Variants in LPIN3 observed in about 807,000 individuals in gnomAD.
LPIN3 encodes the protein lipin 3.
Under a neutral mutation model 94.7 loss-of-function variants are expected in LPIN3, and 82 were observed. The ratio of observed to expected loss-of-function variants is 0.87; its 90% CI spans 0.72 to 1.04. The LOEUF is 1.04. Ranked by LOEUF, LPIN3 falls within the 50% of genes least tolerant of loss-of-function variation. The probability of loss-of-function intolerance (pLI) is 0.00; values close to 1 mark genes in which losing one functional copy is unlikely to be tolerated. For missense variants in LPIN3, 996 were observed against 1,090.5 expected, an observed-to-expected ratio of 0.91 and a Z score of 1.22; for synonymous variants, 418 against 443.3, an observed-to-expected ratio of 0.94 and a Z score of 0.72.
At chr20:41,346,367 A>G (rs777270528) in intron 2 of LPIN3, among the ~76,000 whole-genome samples, 1 of 152,238 alleles carries the variant, frequency 6.6e-6, no homozygotes, top group Non-Finnish European at 1.5e-5. Flanking sequence ...TGCTGGTGGG[A>G]CAAGTCAATA....
Position 41,345,977 on chromosome 20 carries a change from G to A in LPIN3, c.174G>A (p.Leu58=), listed in dbSNP as rs2045758415. Reference sequence around the variant, plus strand: ...TGCGTTTTGGCAAGCTGGGCGTCCTGCGGTCGCGGGAGAAGGTGGTGAGTG... The same window carrying A: ...TGCGTTTTGGCAAGCTGGGCGTCCTACGGTCGCGGGAGAAGGTGGTGAGTG... ...FHVRFGKLGV[L]RSREKVVDIE... is the part of the protein sequence containing the mutation. The change falls in exon 2 of 20, where the codon CTG becomes CTA. Residue 58 remains leucine, a synonymous_variant. Transcript: ENST00000373257. 1 of 1,613,586 alleles carries A rather than the reference G, an allele frequency of 6.2e-7. No homozygotes were observed. The highest frequency in any genetic ancestry group is 1.1e-5 in the South Asian group (1 of 91,048).
chr20:41,347,456 G>C, intron 2 of LPIN3, 96 bp from the exon 3 acceptor site: 1 of 1,135,736 alleles, frequency 8.8e-7, no homozygotes, highest in Non-Finnish European at 1.3e-6. Flanking sequence ...ATGGTGTTTG[G>C]GGCGGCAAGG....
rs775365524 is a variant in LPIN3, at chr20:41,350,258, C to G, written c.963C>G (p.Leu321=). 51 of 1,613,770 alleles carry G rather than the reference C, an allele frequency of 3.2e-5. No individual in the cohort carries two copies. The highest frequency in any genetic ancestry group is 3.3e-4 in the Middle Eastern group (2 of 6,080). The change falls in exon 7 of 20, where the codon CTC becomes CTG. Residue 321 remains leucine, a synonymous_variant. Transcript: ENST00000373257. ...TEDPTLVGPP[L]HTPETEESKT... ...ATCCCACTCTAGTGGGTCCCCCTCT[C>G]CACACCCCAGAGACAGAGGAAAGCA... is the stretch of plus-strand genomic sequence containing the variant.
At chr20:41,351,300 A>AG (rs2046002261) in intron 7 of LPIN3, among the ~76,000 whole-genome samples, 1 of 136,044 alleles carries the variant, frequency 7.4e-6, no homozygotes, top group Non-Finnish European at 1.6e-5. Flanking sequence ...ATAAAATTCC[A>AG]TTTTTTTTTT....
rs758706788 is a variant in LPIN3, at chr20:41,350,357, A to C, written c.1062A>C (p.Pro354=). The part of the protein sequence containing the change: ...KSWSWATLEV[P]VPTGQPERVS... ...GGAGCTGGGCCACTCTGGAGGTTCC[A>C]GTTCCCACCGGGCAGCCAGAGAGGG... The change falls in exon 7 of 20, where the codon CCA becomes CCC. Residue 354 remains proline (P), a synonymous_variant. Coordinates refer to ENST00000373257, the MANE Select transcript of LPIN3 (RefSeq NM_022896.3). 1.9e-6 allele frequency: 3 copies of C among 1,592,402 alleles called. No homozygotes were observed. In the South Asian group the frequency reaches 3.4e-5, roughly 18 times the overall value.
chr20:41,347,682 C>A, intron 3 of LPIN3, 35 bp downstream of exon 3: 1 of 1,556,376 alleles, frequency 6.4e-7, no homozygotes, highest in Non-Finnish European at 8.8e-7. Context: ...CTGCCCCGCC[C>A]ACCCCTTTCC....
intron 19 of LPIN3, 57 bp from the exon 20 acceptor site, chr20:41,358,665 C>A: frequency 6.2e-7 from 1 of 1,606,826 alleles, no homozygotes; most frequent in South Asian, 1.1e-5. Flanking sequence ...AGACCCATGG[C>A]CAAGGCCATC....
intron 9 of LPIN3, 103 bp from the exon 10 acceptor site, chr20:41,352,503 A>C: frequency 1.9e-6 from 2 of 1,078,642 alleles, no homozygotes; most frequent in South Asian, 1.4e-5. Flanking sequence ...TTACAAAGCC[A>C]ACCGACAGGA....
Position 41,350,123 on chromosome 20 carries a change from T to G in LPIN3, c.828T>G (p.Pro276=), listed in dbSNP as rs767972498. ...GCAGAGCTGGGGCAACCTCTCCTCC[T>G]CGGGGAGGACCCAGCACTCCCTCTA... ...LEGRAGATSP[P]RGGPSTPSTS... Residue 276 remains proline, a synonymous_variant, in exon 7 of 20, where the codon CCT becomes CCG. Coordinates refer to ENST00000373257, the MANE Select transcript of LPIN3 (RefSeq NM_022896.3). 1 of 1,612,182 alleles carries G rather than the reference T, an allele frequency of 6.2e-7. No individual in the cohort carries two copies. The highest frequency in any genetic ancestry group is 8.5e-7 in the Non-Finnish European group (1 of 1,179,344).
At chr20:41,349,013 GC>G in intron 4 of LPIN3, 78 bp from the exon 5 acceptor site, 1 of 1,588,384 alleles carries the variant, frequency 6.3e-7, no homozygotes, top group Non-Finnish European at 8.6e-7. Context: ...ACCTTACCAA[GC>G]CCCTGATGTC....
chr20:41,347,344 G>C (rs1456137806), intron 2 of LPIN3, among the ~76,000 whole-genome samples: 1 of 152,206 alleles, frequency 6.6e-6, no homozygotes, highest in Non-Finnish European at 1.5e-5. Flanking sequence ...TGGGTAGGGA[G>C]CTCAGTGAAG....
In LPIN3 at chr20:41,354,752, T is replaced by A; in HGVS notation, c.1620+15T>A. ...TGGCCGAGGAGGTGGGTGGTCACAG[T>A]CGAGGGCCAGGGCCAGGGCCAGCAC... On this transcript the variant is annotated intron_variant, in intron 12 of 19. Transcript: ENST00000373257. The A allele has an allele frequency of 1.9e-6, 3 of 1,608,168 alleles. No individual in the cohort carries two copies. The South Asian group carries it at 3.3e-5, about 18-fold the overall frequency.
At position 41,354,732 on chromosome 20, in the gene LPIN3, G is replaced by A. The variant is rs74573862; in HGVS notation, c.1615G>A (p.Glu539Lys). Residue 539 changes from glutamate (E) to lysine (K), a missense_variant, in exon 12 of 20, where the codon GAG (glutamate) becomes AAG (lysine). Physicochemically the swap from Glu to Lys is moderately conservative, Grantham distance 56. Coordinates refer to ENST00000373257, the MANE Select transcript of LPIN3 (RefSeq NM_022896.3). The stretch of plus-strand genomic sequence containing the variant: ...CTGGCGACGCAGGGACTTCCTGGCC[G>A]AGGAGGTGGGTGGTCACAGTCGAGG... ...FSWRRRDFLA[E>K]ERSAQKEKTA... The A allele has an allele frequency of 4.8e-3, 7,754 of 1,607,600 alleles. 20 individuals carry two copies. Among genetic ancestry groups the A allele is most frequent in the Non-Finnish European group, 6.1e-3 (7,126 of 1,176,170 alleles).
chr20:41,356,520 G>T (rs187424088), intron 14 of LPIN3, among the ~76,000 whole-genome samples: 4 of 152,332 alleles, frequency 2.6e-5, no homozygotes, highest in Admixed American at 1.3e-4. Context: ...GCTGCCATCT[G>T]TCTGGTACCC....
intron 5 of LPIN3, 101 bp from the exon 6 acceptor site, chr20:41,349,673 C>G: frequency 7.2e-7 from 1 of 1,398,450 alleles, no homozygotes; most frequent in Non-Finnish European, 9.6e-7. Flanking sequence ...GGATTCAACA[C>G]AGGCATAAAT....
intron 3 of LPIN3, 39 bp from the exon 4 acceptor site, chr20:41,348,580 G>A: frequency 1.3e-6 from 2 of 1,566,744 alleles, no homozygotes; most frequent in Non-Finnish European, 1.7e-6. Flanking sequence ...AGCCCCACTA[G>A]GGTCAGCCCC....
rs771903986 is a variant in LPIN3, at chr20:41,352,616, C to G, written c.1374C>G (p.Asn458Lys). Residue 458 changes from asparagine to lysine, a missense_variant, in exon 10 of 20, where the codon AAC becomes AAG. Transcript: ENST00000373257. ...TGCCTCTGTGCCCAGAGAAATTCAA[C>G]CAGCACAGCGTCTCTTACCAGGACC... The part of the protein sequence containing the change: ...DSRDISLEKF[N>K]QHSVSYQDLT... 2 of 1,614,098 alleles carry G rather than the reference C, an allele frequency of 1.2e-6. No individual in the cohort carries two copies. The highest frequency in any genetic ancestry group is 1.1e-5 in the South Asian group (1 of 91,090).
chr20:41,356,676 A>G (rs1878934839), intron 14 of LPIN3, among the ~76,000 whole-genome samples: 1 of 152,200 alleles, frequency 6.6e-6, no homozygotes, highest in Non-Finnish European at 1.5e-5. Flanking sequence ...AGATCCCCAC[A>G]GGACCCCCAT....
chr20:41,354,545 C>T (rs1226261627), intron 11 of LPIN3, 100 bp from the exon 12 acceptor site: 2 of 1,184,948 alleles, frequency 1.7e-6, no homozygotes, highest in East Asian at 2.5e-5. Context: ...CTAGGGTTGG[C>T]TCAGACTCTG....
Sources: gnomAD v4.1 joint callset for allele counts (sites outside exome capture counted in the v4.1 genomes callset) on GRCh38, gnomAD v4.1.1 for gene constraint, MANE v1.5 for transcripts, NCBI Gene and HGNC (gene_info 2026-07-23, HGNC 2026-07-21) for gene names.